The following ZMYND11 variants were observed in gnomAD, a reference collection of about 807,000 sequenced individuals.
ZMYND11 encodes the protein zinc finger MYND domain-containing protein 11.
Under a neutral mutation model 84.9 loss-of-function variants are expected in ZMYND11, and 9 were observed. The ratio of observed to expected loss-of-function variants is 0.11; its 90% confidence interval spans 0.06 to 0.18. ZMYND11 has a LOEUF of 0.18. Among genes scored for constraint, ZMYND11 ranks in the 10% least tolerant of loss-of-function variants. ZMYND11 has a pLI of 1.00. For synonymous variants in ZMYND11, 250 were observed against 244.1 expected, an observed-to-expected ratio of 1.02 and a Z score of -0.23; for missense variants, 409 against 761.0, an observed-to-expected ratio of 0.54 and a Z score of 5.44.
At chr10:163,655 GT>G (rs1388247335) in intron 1 of ZMYND11, among the ~76,000 whole-genome samples, 4 of 151,954 alleles carry the variant, frequency 2.6e-5, no homozygotes, top group African/African-American at 9.7e-5. Context: ...TGCATTTTCT[GT>G]TTTTAATTCC....
chr10:185,451 G>A (rs923817262), intron 2 of ZMYND11, among the ~76,000 whole-genome samples: 4 of 134,540 alleles, frequency 3.0e-5, no homozygotes, highest in African/African-American at 5.6e-5. Flanking sequence ...CTATGTTACC[G>A]TCATAATCAT....
At chr10:231,003 A>T (rs1202143177) in intron 4 of ZMYND11, among the ~76,000 whole-genome samples, 1 of 152,250 alleles carries the variant, frequency 6.6e-6, no homozygotes. Flanking sequence ...TTACGTTTTC[A>T]GATTGTTGAA....
At position 197,022 on chromosome 10, in the gene ZMYND11, G is replaced by T. The variant is rs998643564; in HGVS notation, c.117-12867G>T. Reference sequence around the variant, plus strand: ...TATCAATACATACGCATGGAAGGTGGAGTGCTTTTAGTTCACGTGTGTGCC... The same window carrying T: ...TATCAATACATACGCATGGAAGGTGTAGTGCTTTTAGTTCACGTGTGTGCC... On this transcript the variant is annotated intron_variant, in intron 2 of 14. Transcript: ENST00000381604. Among the ~76,000 whole-genome samples, 4 of 149,076 alleles carry T rather than the reference G, an allele frequency of 2.7e-5. No homozygotes were observed. In the South Asian group the frequency reaches 8.5e-4, roughly 32 times the overall value.
At chr10:212,140 T>C (rs1340412881) in intron 3 of ZMYND11, among the ~76,000 whole-genome samples, 2 of 152,158 alleles carry the variant, frequency 1.3e-5, no homozygotes, top group African/African-American at 4.8e-5. Context: ...CTGTTTAGAT[T>C]GGTACTTTCC....
intron 1 of ZMYND11, among the ~76,000 whole-genome samples, chr10:153,719 A>G (rs534257604): frequency 6.6e-6 from 1 of 152,278 alleles, no homozygotes; most frequent in East Asian, 1.9e-4. Flanking sequence ...GGGGAAATAG[A>G]GTTTGGTCCC....
intron 4 of ZMYND11, among the ~76,000 whole-genome samples, chr10:229,513 G>C (rs148349208): frequency 6.6e-5 from 10 of 152,096 alleles, no homozygotes; most frequent in African/African-American, 2.4e-4. Flanking sequence ...GTTAGGATGT[G>C]GCTCTGTGGA....
At chr10:249,563 A>G in intron 14 of ZMYND11, 1 of 984,068 alleles carries the variant, frequency 1.0e-6, no homozygotes, top group Non-Finnish European at 1.2e-6. Flanking sequence ...GTGACATCTC[A>G]TTGGTCTCTA....
chr10:247,245 A>G (rs1174491616), intron 11 of ZMYND11, among the ~76,000 whole-genome samples, 153 bp from the exon 12 acceptor site: 1 of 152,262 alleles, frequency 6.6e-6, no homozygotes, highest in Non-Finnish European at 1.5e-5. Flanking sequence ...AGTTACCAGA[A>G]CAGTAAATTA....
At chr10:203,628 G>T (rs1428767695) in intron 2 of ZMYND11, among the ~76,000 whole-genome samples, 5 of 152,246 alleles carry the variant, frequency 3.3e-5, no homozygotes, top group East Asian at 3.9e-4. Flanking sequence ...CCCTAAGGCT[G>T]GCAAGCTTAC....
intron 4 of ZMYND11, among the ~76,000 whole-genome samples, chr10:230,975 G>A (rs1458231703): frequency 6.6e-6 from 1 of 152,148 alleles, no homozygotes; most frequent in African/African-American, 2.4e-5. Context: ...TGTACTGCCC[G>A]TGAGCTAAGA....
chr10:214,721 A>G (rs1004977295), intron 3 of ZMYND11, among the ~76,000 whole-genome samples: 3 of 152,138 alleles, frequency 2.0e-5, no homozygotes, highest in Non-Finnish European at 2.9e-5. Context: ...GTAGGCTCAT[A>G]TGTTGCTTCA....
intron 1 of ZMYND11, among the ~76,000 whole-genome samples, chr10:170,458 G>C (rs536306829): frequency 8.1e-6 from 1 of 123,786 alleles, no homozygotes; most frequent in African/African-American, 3.0e-5. Context: ...GTGTGTGTGC[G>C]TGCTTATGGG....
chr10:231,080 T>C (rs1948948369), intron 4 of ZMYND11, among the ~76,000 whole-genome samples: 1 of 152,202 alleles, frequency 6.6e-6, no homozygotes, highest in Non-Finnish European at 1.5e-5. Flanking sequence ...TATCCAAAAG[T>C]TTTATCGGAA....
In ZMYND11 at chr10:240,896, G is replaced by A. The variant is rs750575464; in HGVS notation, c.757G>A (p.Asp253Asn). Residue 253 changes from aspartate (D) to asparagine (N), a missense_variant, in exon 9 of 15, where the codon GAT becomes AAT. Asp to Asn is a conservative substitution (Grantham distance 23). Coordinates refer to ENST00000381604, the MANE Select transcript of ZMYND11 (RefSeq NM_001370100.5). ...AGTAGTTTCTTTTCTTTTTCAGCTG[G>A]ATGAACTGCAGCTTTGCAAGAATTG... Reference protein sequence around the residue: ...MLYKDTCHELDELQLCKNCFY... With the variant: ...MLYKDTCHELNELQLCKNCFY... 5 of 1,612,672 alleles carry A rather than the reference G, an allele frequency of 3.1e-6. No homozygotes were observed. The highest frequency in any genetic ancestry group is 3.4e-6 in the Non-Finnish European group (4 of 1,179,590).
At chr10:248,295 G>A (rs747447672) in intron 12 of ZMYND11, 41 bp from the exon 13 acceptor site, 3 of 1,588,454 alleles carry the variant, frequency 1.9e-6, no homozygotes, top group Non-Finnish European at 1.7e-6. Flanking sequence ...GGTGAATTAT[G>A]TGGCTTCGTT....
chr10:217,282 C>T (rs1186784309), intron 3 of ZMYND11, among the ~76,000 whole-genome samples: 2 of 152,174 alleles, frequency 1.3e-5, no homozygotes. Flanking sequence ...ACCTGTAATC[C>T]TAGCACTTTG....
intron 2 of ZMYND11, among the ~76,000 whole-genome samples, chr10:182,506 TGAAAAA>T (rs5782545): frequency 0.3 from 45,609 of 151,622 alleles, 7,087 homozygotes; most frequent in East Asian, 0.47. Context: ...CATCTAAAGA[TGAAAAA>T]GAAAAAGAAA....
At position 209,875 on chromosome 10, in the gene ZMYND11, T is replaced by C. The variant is rs774244366; in HGVS notation, c.117-14T>C. 3 of 1,578,528 alleles carry C rather than the reference T, an allele frequency of 1.9e-6. No homozygotes were observed. The highest frequency in any genetic ancestry group is 2.6e-6 in the Non-Finnish European group (3 of 1,161,780). On this transcript the variant is annotated splice_polypyrimidine_tract_variant and intron_variant, in intron 2 of 14. Transcript: ENST00000381604. ...ACTGAAAGATTTTTAAATTTGTTTT[T>C]CCTCTGTGTTCAGGTATATGTCTCG...
At chr10:155,848 A>T (rs1289723007) in intron 1 of ZMYND11, among the ~76,000 whole-genome samples, 2 of 152,214 alleles carry the variant, frequency 1.3e-5, no homozygotes, top group African/African-American at 4.8e-5. Flanking sequence ...GGCTGTCATC[A>T]TGGTGATGTA....
Sources: gnomAD v4.1 joint callset for allele counts (sites outside exome capture counted in the v4.1 genomes callset) on GRCh38, gnomAD v4.1.1 for gene constraint, MANE v1.5 for transcripts, NCBI Gene and HGNC (gene_info 2026-07-23, HGNC 2026-07-21) for gene names.